PLPPR5: variants seen among roughly 807,000 people sequenced by gnomAD.
The protein encoded by PLPPR5 is phospholipid phosphatase related 5, also known as phospholipid phosphatase-related protein type 5.
Under a neutral mutation model 33.9 loss-of-function variants are expected in PLPPR5, and 16 were observed. That is an observed-to-expected ratio of 0.47 (90% confidence interval 0.32 to 0.72). The LOEUF (loss-of-function observed/expected upper bound fraction) is 0.72. PLPPR5 is among the 30% of genes least tolerant of loss of function. The pLI is 0.03. For missense variants in PLPPR5, 301 were observed against 406.7 expected (o/e 0.74, Z 2.23); for synonymous variants, 163 against 150.3 (o/e 1.08, Z -0.62).
At chr1:98,910,894 T>G (rs1353320521) in intron 5 of PLPPR5, among the ~76,000 whole-genome samples, 1 of 151,786 alleles carries the variant, frequency 6.6e-6, no homozygotes, top group Non-Finnish European at 1.5e-5. Flanking sequence ...GAGTGTTTTT[T>G]TTTTTTTTTT....
intron 3 of PLPPR5, among the ~76,000 whole-genome samples, chr1:98,938,460 G>C (rs144130310): frequency 9.7e-4 from 143 of 147,252 alleles, no homozygotes; most frequent in African/African-American, 3.4e-3. Flanking sequence ...TACTGGGTAA[G>C]TGCAAATTTT....
At chr1:98,974,383 G>A (rs1651772851) in intron 1 of PLPPR5, among the ~76,000 whole-genome samples, 1 of 152,050 alleles carries the variant, frequency 6.6e-6, no homozygotes, top group East Asian at 1.9e-4. Flanking sequence ...TTGCCTTTCA[G>A]AAAACTTTGT....
rs187016480 is a variant in PLPPR5, at chr1:98,910,438, T to C, written c.933+4348A>G. On this transcript the variant is annotated intron_variant, in intron 5 of 5. Transcript: ENST00000263177. Reference sequence around the variant, plus strand: ...TAGAATGAAGTATAATGAAACCAATTTGACCACAGGCTAATTGATATAAAC... The same window carrying C: ...TAGAATGAAGTATAATGAAACCAATCTGACCACAGGCTAATTGATATAAAC... Among the ~76,000 whole-genome samples, 306 of 152,282 alleles carry C rather than the reference T, an allele frequency of 2.0e-3. 1 individual carries two copies. Among genetic ancestry groups the C allele is most frequent in the Middle Eastern group, 6.8e-3 (2 of 294 alleles).
chr1:99,002,392 C>A lies in PLPPR5; in HGVS notation c.237+2043G>T, dbSNP rs551338809. Among the ~76,000 whole-genome samples the A allele has an allele frequency of 2.6e-5, 4 of 152,322 alleles. No individual in the cohort carries two copies. In the East Asian group the frequency reaches 7.7e-4, roughly 29 times the overall value. Reference sequence around the variant, plus strand: ...CTTCCACCTTCTTTCAGAGAACAAGCTCTTTGGAAGCAATGTAAGTCGCAT... The same window carrying A: ...CTTCCACCTTCTTTCAGAGAACAAGATCTTTGGAAGCAATGTAAGTCGCAT... On this transcript the variant is annotated intron_variant, in intron 1 of 5. Coordinates refer to ENST00000263177, the MANE Select transcript of PLPPR5 (RefSeq NM_001037317.2).
chr1:98,950,240 G>A (rs1051254223), intron 3 of PLPPR5, among the ~76,000 whole-genome samples: 7 of 151,996 alleles, frequency 4.6e-5, no homozygotes, highest in African/African-American at 1.5e-4. Context: ...AAAATGCTAC[G>A]AGGATTCAAT....
chr1:98,951,621 G>T (rs1650787092), intron 3 of PLPPR5, among the ~76,000 whole-genome samples: 1 of 152,136 alleles, frequency 6.6e-6, no homozygotes, highest in South Asian at 2.1e-4. Context: ...CATACTCTAT[G>T]GTTCTAAAAT....
At chr1:98,966,368 T>C (rs764985000) in intron 1 of PLPPR5, among the ~76,000 whole-genome samples, 14 of 152,290 alleles carry the variant, frequency 9.2e-5, no homozygotes, top group Middle Eastern at 3.4e-3. Flanking sequence ...ATTTAACATA[T>C]AATAAAAGCT....
chr1:98,929,611 C>T (rs1250127955), intron 3 of PLPPR5, among the ~76,000 whole-genome samples: 1 of 152,190 alleles, frequency 6.6e-6, no homozygotes, highest in Admixed American at 6.5e-5. Context: ...TGCTCAGTAA[C>T]TCTGCTGCCC....
At chr1:98,968,701 TCTA>T (rs1263856688) in intron 1 of PLPPR5, among the ~76,000 whole-genome samples, 2 of 151,964 alleles carry the variant, frequency 1.3e-5, no homozygotes, top group African/African-American at 2.4e-5. Flanking sequence ...AATATATAAA[TCTA>T]CTATGTACCC....
At chr1:98,999,873 C>T (rs1652761998) in intron 1 of PLPPR5, among the ~76,000 whole-genome samples, 1 of 152,160 alleles carries the variant, frequency 6.6e-6, no homozygotes, top group Admixed American at 6.5e-5. Context: ...TGAGATGTAC[C>T]TTAATGTTCA....
chr1:99,005,342 T>C (rs1255262333), upstream of PLPPR5, among the ~76,000 whole-genome samples: 1 of 152,054 alleles, frequency 6.6e-6, no homozygotes, highest in African/African-American at 2.4e-5. Flanking sequence ...TTTCAACCGG[T>C]GCGTTCAGCC....
At chr1:98,936,397 C>G (rs2101184731) in intron 3 of PLPPR5, among the ~76,000 whole-genome samples, 1 of 152,288 alleles carries the variant, frequency 6.6e-6, no homozygotes, top group South Asian at 2.1e-4. Context: ...GCCATAGACT[C>G]AGCTAGAGAC....
chr1:98,983,750 T>C (rs1652144823), intron 1 of PLPPR5, among the ~76,000 whole-genome samples: 1 of 151,994 alleles, frequency 6.6e-6, no homozygotes, highest in Admixed American at 6.6e-5. Context: ...CCAGCACCTG[T>C]TGTTTCCTGA....
intron 1 of PLPPR5, among the ~76,000 whole-genome samples, chr1:98,968,383 C>A (rs1370508132): frequency 6.6e-6 from 1 of 151,892 alleles, no homozygotes; most frequent in African/African-American, 2.4e-5. Context: ...CTAAAATACC[C>A]ATTAGAATCA....
chr1:98,903,950 T>C (rs1382104048), intron 5 of PLPPR5, among the ~76,000 whole-genome samples: 1 of 152,098 alleles, frequency 6.6e-6, no homozygotes, highest in Admixed American at 6.6e-5. Context: ...TACAAAAGAG[T>C]CAATCAATGT....
intron 5 of PLPPR5, among the ~76,000 whole-genome samples, chr1:98,914,578 A>G (rs1031962): frequency 0.71 from 108,625 of 151,966 alleles, 39,322 homozygotes; most frequent in East Asian, 0.8. Context: ...GGCCAGGTGT[A>G]AGCCATTGTG....
At chr1:98,954,572 A>G (rs1650934132) in intron 2 of PLPPR5, among the ~76,000 whole-genome samples, 1 of 152,112 alleles carries the variant, frequency 6.6e-6, no homozygotes, top group Non-Finnish European at 1.5e-5. Flanking sequence ...ATTATATAAG[A>G]TTACAAAAAG....
chr1:98,947,131 T>A (rs747977161), intron 3 of PLPPR5, among the ~76,000 whole-genome samples: 6 of 152,188 alleles, frequency 3.9e-5, no homozygotes, highest in Non-Finnish European at 8.8e-5. Context: ...CACATAAATA[T>A]AATTCTGACA....
intron 5 of PLPPR5, among the ~76,000 whole-genome samples, chr1:98,911,565 T>C (rs752822785): frequency 3.9e-5 from 6 of 152,210 alleles, no homozygotes; most frequent in Admixed American, 2.6e-4. Context: ...GATGTAATGA[T>C]ATATATGAAT....
Sources: allele counts gnomAD v4.1 joint callset (sites outside exome capture counted in the v4.1 genomes callset), GRCh38; gene constraint gnomAD v4.1.1; transcripts MANE v1.5; gene names NCBI Gene and HGNC (gene_info 2026-07-23, HGNC 2026-07-21).